The following GRM5 variants were observed in gnomAD, a reference collection of about 807,000 sequenced individuals.
GRM5 encodes glutamate metabotropic receptor 5, also known as metabotropic glutamate receptor 5.
In GRM5, 19 loss-of-function variants were observed where a neutral mutation model predicts 83.1. The observed-to-expected ratio is 0.23, with a 90% CI of 0.16 to 0.34. The LOEUF (loss-of-function observed/expected upper bound fraction) is 0.34. Ranked by LOEUF, GRM5 falls within the 10% of genes least tolerant of loss-of-function variation. The probability of loss-of-function intolerance (pLI) is 1.00; values close to 1 mark genes in which losing one functional copy is unlikely to be tolerated. For missense variants in GRM5, 1,160 were observed against 1,588.3 expected (o/e 0.73, Z 4.58); for synonymous variants, 675 against 633.6 (o/e 1.07, Z -0.98).
At chr11:88,634,355 T>A (rs1394379419) in intron 4 of GRM5, among the ~76,000 whole-genome samples, 1 of 152,236 alleles carries the variant, frequency 6.6e-6, no homozygotes, top group Non-Finnish European at 1.5e-5. Context: ...AATTTATTTT[T>A]AACTATTCAA....
chr11:88,991,202 A>G lies in GRM5; in HGVS notation c.661+56010T>C, dbSNP rs567971549. Among the ~76,000 whole-genome samples, 26 of 152,288 alleles carry G rather than the reference A, an allele frequency of 1.7e-4. No individual in the cohort carries two copies. In the East Asian group the frequency reaches 1.7e-3, roughly 10 times the overall value. On this transcript the variant is annotated intron_variant, in intron 2 of 9. Coordinates refer to ENST00000305447, the MANE Select transcript of GRM5 (RefSeq NM_001143831.3). ...AAATCAATGTACAAAAATCACAAGC[A>G]TTCTTATACACCAACAACAGACAAA...
intron 3 of GRM5, among the ~76,000 whole-genome samples, chr11:88,771,007 T>C (rs1942725946): frequency 6.6e-6 from 1 of 152,150 alleles, no homozygotes; most frequent in Admixed American, 6.6e-5. Flanking sequence ...TATCCCTTAC[T>C]ACATGGCAAA....
intron 4 of GRM5, among the ~76,000 whole-genome samples, chr11:88,652,658 C>T (rs77252542): frequency 0.01 from 1,590 of 152,138 alleles, 29 homozygotes; most frequent in African/African-American, 0.034. Context: ...ACATAGGTTA[C>T]GTTTCCTGAA....
At chr11:88,928,759 T>A (rs1214686910) in intron 2 of GRM5, among the ~76,000 whole-genome samples, 2 of 152,022 alleles carry the variant, frequency 1.3e-5, no homozygotes, top group Admixed American at 1.3e-4. Flanking sequence ...GTCTGTGATT[T>A]TATGTTTTAA....
At chr11:88,621,205 A>G (rs1938625255) in intron 4 of GRM5, among the ~76,000 whole-genome samples, 1 of 152,208 alleles carries the variant, frequency 6.6e-6, no homozygotes, top group South Asian at 2.1e-4. Flanking sequence ...CTATACTAAG[A>G]TCAAACTCCT....
intron 3 of GRM5, among the ~76,000 whole-genome samples, chr11:88,666,482 C>T (rs1292131375): frequency 1.3e-5 from 2 of 152,192 alleles, no homozygotes; most frequent in African/African-American, 2.4e-5. Context: ...TGAGAACTCA[C>T]TCAGGAGGAG....
chr11:88,541,836 T>G (rs552803170), intron 8 of GRM5, among the ~76,000 whole-genome samples: 1 of 152,202 alleles, frequency 6.6e-6, no homozygotes, highest in Non-Finnish European at 1.5e-5. Flanking sequence ...TTCTCACATG[T>G]CAAGGGAGGG....
chr11:89,019,079 A>G (rs1940922653), intron 2 of GRM5, among the ~76,000 whole-genome samples: 1 of 152,126 alleles, frequency 6.6e-6, no homozygotes, highest in South Asian at 2.1e-4. Flanking sequence ...AGGCTCCTCA[A>G]AACGGTGACT....
In GRM5 at chr11:88,771,928, G is replaced by A. The variant is rs118176007; in HGVS notation, c.911+77978C>T. ...TCCCTCACTATGGTTTTGTCTTTTT[G>A]AGAATGTCATAAACATGAAATCATG... On this transcript the variant is annotated intron_variant, in intron 3 of 9. Coordinates refer to ENST00000305447, the MANE Select transcript of GRM5 (RefSeq NM_001143831.3). 5.6e-3 allele frequency among the ~76,000 whole-genome samples: 859 copies of A among 152,108 alleles called. 18 individuals carry two copies. The East Asian group carries it at 0.071, about 13-fold the overall frequency.
chr11:88,817,056 T>C (rs1301251471), intron 3 of GRM5, among the ~76,000 whole-genome samples: 2 of 152,172 alleles, frequency 1.3e-5, no homozygotes, highest in Non-Finnish European at 2.9e-5. Flanking sequence ...AATTTTATTG[T>C]TGAGTTTATT....
At chr11:88,885,451 T>G (rs2253188) in intron 2 of GRM5, among the ~76,000 whole-genome samples, 19,807 of 33,674 alleles carry the variant, frequency 0.59, 4,249 homozygotes, top group South Asian at 0.67. Flanking sequence ...AGGTACCATG[T>G]TTTTTTTTTT....
At chr11:88,883,873 A>T (rs1486943674) in intron 2 of GRM5, among the ~76,000 whole-genome samples, 3 of 152,150 alleles carry the variant, frequency 2.0e-5, no homozygotes, top group African/African-American at 7.2e-5. Context: ...GAAGTCAAGA[A>T]TTGAGGTTTG....
At chr11:88,787,263 A>G (rs1318265644) in intron 3 of GRM5, among the ~76,000 whole-genome samples, 1 of 151,816 alleles carries the variant, frequency 6.6e-6, no homozygotes, top group Non-Finnish European at 1.5e-5. Flanking sequence ...AGAGTTGGTG[A>G]GCAGAGGTCA....
chr11:88,693,987 T>G (rs368382517), intron 3 of GRM5, among the ~76,000 whole-genome samples: 1 of 152,340 alleles, frequency 6.6e-6, no homozygotes, highest in South Asian at 2.1e-4. Flanking sequence ...ACTCTTTTTG[T>G]AGTAAAACAG....
At chr11:88,824,104 C>T (rs964429959) in intron 3 of GRM5, among the ~76,000 whole-genome samples, 1 of 152,118 alleles carries the variant, frequency 6.6e-6, no homozygotes, top group African/African-American at 2.4e-5. Context: ...GTGTTGCTAT[C>T]ATCTCTTCTT....
intron 3 of GRM5, among the ~76,000 whole-genome samples, chr11:88,703,652 C>T (rs1467660941): frequency 6.6e-6 from 1 of 152,034 alleles, no homozygotes; most frequent in Non-Finnish European, 1.5e-5. Flanking sequence ...TCACGATATT[C>T]TTGTGATAAT....
intron 3 of GRM5, among the ~76,000 whole-genome samples, chr11:88,720,760 G>A (rs1941513352): frequency 6.6e-6 from 1 of 150,692 alleles, no homozygotes; most frequent in South Asian, 2.1e-4. Context: ...CATTTATATG[G>A]ACAGACTCAC....
intron 2 of GRM5, among the ~76,000 whole-genome samples, chr11:89,035,898 T>C (rs1941373446): frequency 6.6e-6 from 1 of 152,022 alleles, no homozygotes; most frequent in South Asian, 2.1e-4. Context: ...CCATGGCATA[T>C]CTCAATGTAC....
chr11:88,831,329 G>A (rs1943989908), intron 3 of GRM5, among the ~76,000 whole-genome samples: 1 of 152,196 alleles, frequency 6.6e-6, no homozygotes. Flanking sequence ...CATGAAGAAA[G>A]GCTATCTCAC....
Sources: allele counts gnomAD v4.1 joint callset (sites outside exome capture counted in the v4.1 genomes callset), GRCh38; gene constraint gnomAD v4.1.1; transcripts MANE v1.5; gene names NCBI Gene and HGNC (gene_info 2026-07-23, HGNC 2026-07-21).